The following NRG3 variants were observed in gnomAD, a reference collection of about 807,000 sequenced individuals.
NRG3 encodes neuregulin 3.
A neutral mutation model predicts 66.9 loss-of-function variants in NRG3; 31 were observed. That is an observed-to-expected ratio of 0.46 (90% CI 0.35 to 0.63). The LOEUF is 0.63. NRG3 is among the 20% of genes least tolerant of loss of function. The pLI is 0.00. For synonymous variants in NRG3, 393 were observed against 359.4 expected (o/e 1.09, Z -1.06); for missense variants, 910 against 878.9 (o/e 1.04, Z -0.45).
rs79992524 is a variant in NRG3, at chr10:82,070,801, A to G, written c.823+194638A>G. On this transcript the variant is annotated intron_variant, in intron 1 of 8. Transcript: ENST00000372141. ...ACAGATGAAAACAATATTTTTGCCT[A>G]TCAAATTAATATATTTTTACAATGT... 9.7e-3 allele frequency among the ~76,000 whole-genome samples: 1,471 copies of G among 152,282 alleles called. 12 individuals carry two copies. The highest frequency in any genetic ancestry group is 0.015 in the Admixed American group (234 of 15,298).
In NRG3 at chr10:82,083,044, G is replaced by T. The variant is rs372628531; in HGVS notation, c.823+206881G>T. 2.6e-5 allele frequency among the ~76,000 whole-genome samples: 4 copies of T among 151,566 alleles called. No homozygotes were observed. The East Asian group carries it at 7.8e-4, about 29-fold the overall frequency. ...GTCTCTCAAATTCCTGGACTCAAGC[G>T]ATCCTCCCTCCATAGCCTCCCAAAG... On this transcript the variant is annotated intron_variant, in intron 1 of 8. Transcript: ENST00000372141.
At chr10:82,032,369 T>C (rs2062610438) in intron 1 of NRG3, among the ~76,000 whole-genome samples, 1 of 147,314 alleles carries the variant, frequency 6.8e-6, no homozygotes, top group African/African-American at 2.5e-5. Flanking sequence ...TTTTTCCCTC[T>C]CAGGCCTCTC....
chr10:82,623,989 C>T (rs117705098), intron 2 of NRG3, among the ~76,000 whole-genome samples: 281 of 152,218 alleles, frequency 1.8e-3, no homozygotes, highest in Non-Finnish European at 3.1e-3. Context: ...ATTCTTCTAG[C>T]GTAACTGCCA....
At chr10:82,202,453 G>A (rs534145126) in intron 1 of NRG3, among the ~76,000 whole-genome samples, 331 of 152,292 alleles carry the variant, frequency 2.2e-3, no homozygotes, top group African/African-American at 7.3e-3. Context: ...CAAAGCGTGC[G>A]TAAGAGTCGT....
intron 1 of NRG3, among the ~76,000 whole-genome samples, chr10:81,899,244 A>G (rs1227478696): frequency 6.6e-6 from 1 of 152,182 alleles, no homozygotes; most frequent in East Asian, 1.9e-4. Flanking sequence ...GCAATCCCTG[A>G]TCCATGTTAC....
chr10:82,874,135 G>A (rs1000784306), intron 4 of NRG3, among the ~76,000 whole-genome samples: 1 of 151,940 alleles, frequency 6.6e-6, no homozygotes, highest in Non-Finnish European at 1.5e-5. Context: ...ATCGTATATT[G>A]GGTATTCTTT....
At chr10:82,213,722 G>T (rs1425199221) in intron 1 of NRG3, among the ~76,000 whole-genome samples, 1 of 152,162 alleles carries the variant, frequency 6.6e-6, no homozygotes, top group Non-Finnish European at 1.5e-5. Flanking sequence ...TTTAATGAAT[G>T]AATGAGCAAA....
At chr10:82,008,862 T>G (rs1206072047) in intron 1 of NRG3, among the ~76,000 whole-genome samples, 1 of 152,228 alleles carries the variant, frequency 6.6e-6, no homozygotes, top group Non-Finnish European at 1.5e-5. Context: ...GTCATTTTAA[T>G]ACACCCTTTC....
chr10:82,202,725 C>A (rs372444680), intron 1 of NRG3, among the ~76,000 whole-genome samples: 6 of 152,080 alleles, frequency 3.9e-5, no homozygotes, highest in African/African-American at 1.4e-4. Flanking sequence ...GAGCTGTAGA[C>A]CCCTGTTGAG....
chr10:82,559,790 A>G (rs765237359), intron 2 of NRG3, among the ~76,000 whole-genome samples: 28 of 152,190 alleles, frequency 1.8e-4, no homozygotes, highest in Non-Finnish European at 3.8e-4. Flanking sequence ...CAAGTGCAGC[A>G]AATATAGGAC....
rs141298353 is a variant in NRG3 at position 82,958,873 on chromosome 10, G to A, written c.1158-76G>A. On this transcript the variant is annotated intron_variant, in intron 5 of 8. Coordinates refer to ENST00000372141, the MANE Select transcript of NRG3 (RefSeq NM_001010848.4). ...TAGCAAATAACAAATATAGACACTG[G>A]GAATGAATGAGACCCTGAAAGTAGG... 4.7e-4 allele frequency: 671 copies of A among 1,418,350 alleles called. 6 individuals carry two copies. The African/African-American group carries it at 8.4e-3, about 18-fold the overall frequency. 87.9% of individuals were successfully genotyped at this position (1,418,350 alleles called of 1,614,324 possible).
intron 4 of NRG3, among the ~76,000 whole-genome samples, chr10:82,927,922 G>A (rs1288124787): frequency 6.6e-6 from 1 of 152,144 alleles, no homozygotes; most frequent in African/African-American, 2.4e-5. Context: ...TCACCACACT[G>A]TCATCCACAA....
intron 1 of NRG3, among the ~76,000 whole-genome samples, chr10:81,961,870 G>A (rs1423082643): frequency 6.6e-6 from 1 of 152,226 alleles, no homozygotes; most frequent in Admixed American, 6.5e-5. Flanking sequence ...AGTAGCCGAC[G>A]TTTTTGGTAT....
chr10:82,081,603 G>C (rs776908652), intron 1 of NRG3, among the ~76,000 whole-genome samples: 10 of 152,156 alleles, frequency 6.6e-5, no homozygotes, highest in Non-Finnish European at 1.3e-4. Flanking sequence ...GGCAGCTATT[G>C]CCTCAGATTT....
intron 1 of NRG3, among the ~76,000 whole-genome samples, chr10:82,308,560 T>C (rs895584458): frequency 1.3e-5 from 2 of 152,196 alleles, no homozygotes; most frequent in Non-Finnish European, 2.9e-5. Flanking sequence ...TTTGTGTATA[T>C]TAACATTGTT....
At chr10:82,926,497 G>A (rs1290891115) in intron 4 of NRG3, among the ~76,000 whole-genome samples, 4 of 152,198 alleles carry the variant, frequency 2.6e-5, no homozygotes, top group Admixed American at 2.6e-4. Context: ...AAAAGTGATA[G>A]TCACTTGAGC....
intron 1 of NRG3, among the ~76,000 whole-genome samples, chr10:82,134,276 T>C (rs1316099227): frequency 6.6e-6 from 1 of 152,234 alleles, no homozygotes; most frequent in Non-Finnish European, 1.5e-5. Flanking sequence ...TAGATCCCAC[T>C]TGTCAATTTT....
At chr10:82,620,896 C>G (rs983853135) in intron 2 of NRG3, among the ~76,000 whole-genome samples, 9 of 151,774 alleles carry the variant, frequency 5.9e-5, no homozygotes, top group African/African-American at 2.2e-4. Flanking sequence ...TCTAAAAGTG[C>G]TTTTGACTGG....
At chr10:82,547,342 C>T (rs2043983820) in intron 2 of NRG3, among the ~76,000 whole-genome samples, 1 of 151,448 alleles carries the variant, frequency 6.6e-6, no homozygotes, top group South Asian at 2.1e-4. Flanking sequence ...ACCATCTGCA[C>T]ACATACACAC....
Sources: allele counts gnomAD v4.1 joint callset (sites outside exome capture counted in the v4.1 genomes callset), GRCh38; gene constraint gnomAD v4.1.1; transcripts MANE v1.5; gene names NCBI Gene and HGNC (gene_info 2026-07-23, HGNC 2026-07-21).